The following DHX34 variants were observed in gnomAD, a reference collection of about 807,000 sequenced individuals.
The protein encoded by DHX34 is probable ATP-dependent RNA helicase DHX34.
A neutral mutation model predicts 111.1 loss-of-function variants in DHX34; 96 were observed. That is an observed-to-expected ratio of 0.86 (90% CI 0.73 to 1.02). The LOEUF (loss-of-function observed/expected upper bound fraction) is 1.02, where lower values mean the gene tolerates loss of function less well. Ranked by LOEUF, DHX34 falls within the 50% of genes least tolerant of loss-of-function variation. DHX34 has a pLI of 0.00. For missense variants in DHX34, 1,560 were observed against 1,579.9 expected (o/e 0.99, Z 0.21); for synonymous variants, 688 against 670.4 (o/e 1.03, Z -0.41).
At chr19:47,379,528 T>C (rs1970281292) in intron 13 of DHX34, 182 bp from the exon 14 acceptor site, 6 of 960,734 alleles carry the variant, frequency 6.2e-6, no homozygotes, top group Non-Finnish European at 6.2e-6. Context: ...AGCGGCTGCC[T>C]TGTTCATGCC....
chr19:47,366,367 G>A (rs1321120875), intron 6 of DHX34, among the ~76,000 whole-genome samples: 7 of 151,910 alleles, frequency 4.6e-5, no homozygotes, highest in South Asian at 2.1e-4. Flanking sequence ...TGCAACCTCC[G>A]CCTTCCAGGT....
rs142777034 is a variant in DHX34, at chr19:47,356,098, G to A, written c.1017+748G>A. Among the ~76,000 whole-genome samples the A allele has an allele frequency of 3.7e-3, 569 of 152,152 alleles. 4 individuals carry two copies. Among genetic ancestry groups the A allele is most frequent in the Middle Eastern group, 0.02 (6 of 294 alleles). ...TGTCCTGTGCATTGTAGGATATCTAGCAGCATCCCTGGCCCTACCCACTAG... is the reference window on the plus strand; with the variant it reads ...TGTCCTGTGCATTGTAGGATATCTAACAGCATCCCTGGCCCTACCCACTAG... On this transcript the variant is annotated intron_variant, in intron 3 of 16. Transcript: ENST00000328771.
chr19:47,367,172 C>T lies in DHX34; in HGVS notation c.1768+17C>T, dbSNP rs748496992. The T allele has an allele frequency of 1.5e-5, 22 of 1,460,240 alleles. No homozygotes were observed. Among genetic ancestry groups the T allele is most frequent in the East Asian group, 2.6e-5 (1 of 37,976 alleles). 90.5% of individuals were successfully genotyped at this position (1,460,240 alleles called of 1,614,324 possible). A position where few individuals can be genotyped will look rare whatever the true frequency, so the allele number is the denominator to read the frequency against. On this transcript the variant is annotated intron_variant, in intron 7 of 16. Coordinates refer to ENST00000328771, the MANE Select transcript of DHX34 (RefSeq NM_014681.6). ...TTGTGATTGGTGAGTACCCACCCCC[C>T]TCCTGATCACTCAGGGCCCCAGGAG...
chr19:47,372,841 A>T lies in DHX34; in HGVS notation c.1880A>T (p.Glu627Val). 2 of 1,612,212 alleles carry T rather than the reference A, an allele frequency of 1.2e-6. No homozygotes were observed. The highest frequency in any genetic ancestry group is 1.7e-6 in the Non-Finnish European group (2 of 1,179,336). Residue 627 changes from glutamate to valine, a missense_variant, in exon 8 of 17, where the codon GAG (glutamate) becomes GTG (valine). Physicochemically the swap from Glu to Val is moderately radical, Grantham distance 121. Coordinates refer to ENST00000328771, the MANE Select transcript of DHX34 (RefSeq NM_014681.6). ...ACCCGCAGCGCCCAGAGCAGCCCAG[A>T]GTGCGCGGCAGCACGGCGGCCGCTG... Reference protein sequence around the residue: ...PFTRSAQSSPECAAARRPLES... With the variant: ...PFTRSAQSSPVCAAARRPLES...
intron 5 of DHX34, among the ~76,000 whole-genome samples, chr19:47,360,540 G>A (rs1969597203): frequency 1.3e-5 from 2 of 152,080 alleles, no homozygotes; most frequent in African/African-American, 2.4e-5. Context: ...CACAGGTGAC[G>A]CCCTCACCTC....
At position 47,362,422 on chromosome 19, in the gene DHX34, C is replaced by G. The variant is rs1342485940; in HGVS notation, c.1376-54C>G. 3 of 1,455,238 alleles carry G rather than the reference C, an allele frequency of 2.1e-6. No individual in the cohort carries two copies. The Admixed American group carries it at 8.3e-5, about 40-fold the overall frequency. The allele number at this position is 1,455,238 out of a possible 1,614,324, so 90.1% of individuals were successfully genotyped here. A position where few individuals can be genotyped will look rare whatever the true frequency, so the allele number is the denominator to read the frequency against. On this transcript the variant is annotated intron_variant, in intron 5 of 16. Coordinates refer to ENST00000328771, the MANE Select transcript of DHX34 (RefSeq NM_014681.6). Reference sequence around the variant, plus strand: ...GAGTGACAAGAGCCAGGCGCGTGGCCAGCTGCACGTGGCTGCCACACACAG... The same window carrying G: ...GAGTGACAAGAGCCAGGCGCGTGGCGAGCTGCACGTGGCTGCCACACACAG...
chr19:47,360,656 G>C (rs961611594), intron 5 of DHX34, among the ~76,000 whole-genome samples: 1 of 151,602 alleles, frequency 6.6e-6, no homozygotes, highest in Non-Finnish European at 1.5e-5. Flanking sequence ...ATATGAGGGG[G>C]ATTGACATTC....
intron 8 of DHX34, among the ~76,000 whole-genome samples, chr19:47,373,277 C>T (rs977582419): frequency 2.0e-5 from 3 of 152,218 alleles, no homozygotes; most frequent in Non-Finnish European, 4.4e-5. Context: ...GGGGGCCCAT[C>T]AGTGCCAAAA....
At chr19:47,359,892 G>C (rs1004296357) in intron 4 of DHX34, 76 bp from the exon 5 acceptor site, 61 of 1,605,918 alleles carry the variant, frequency 3.8e-5, no homozygotes, top group Non-Finnish European at 4.9e-5. Flanking sequence ...CTGACACGGG[G>C]GTGGGCAAGA....
rs755510811 is a variant in DHX34, at chr19:47,373,642, G to A, written c.2006G>A (p.Arg669His). The A allele has an allele frequency of 3.1e-5, 50 of 1,613,972 alleles. No individual in the cohort carries two copies. In the South Asian group the frequency reaches 4.7e-4, roughly 15 times the overall value. The change falls in exon 9 of 17, where the codon CGC becomes CAC. Residue 669 changes from arginine (R) to histidine (H), a missense_variant. Coordinates refer to ENST00000328771, the MANE Select transcript of DHX34 (RefSeq NM_014681.6). ...AGAAACTCTCGCAAGTGGTGCCGCCGCCGGGGCATAGAGGAGCATCGACTG... is the reference window on the plus strand; with the variant it reads ...AGAAACTCTCGCAAGTGGTGCCGCCACCGGGGCATAGAGGAGCATCGACTG... ...RSRNSRKWCRRRGIEEHRLYE... is the reference protein window; with the variant it reads ...RSRNSRKWCRHRGIEEHRLYE...
rs139122880 is a variant in DHX34, at chr19:47,353,621, G to C, written c.591G>C (p.Gln197His). The change falls in exon 2 of 17, where the codon CAG becomes CAC. Residue 197 changes from glutamine (Q) to histidine (H), a missense_variant. Physicochemically the swap from Gln to His is conservative, Grantham distance 24. Transcript: ENST00000328771. The surrounding 1 kb of genome is among the most constrained non-coding windows in gnomAD (Gnocchi z 4.6). ...TGCGKSTQVP[Q>H]YLLAAGFSHV... ...GTGGCAAGTCCACTCAGGTGCCCCA[G>C]TACCTGCTGGCTGCTGGCTTCAGTC... 1 of 1,613,282 alleles carries C rather than the reference G, an allele frequency of 6.2e-7. No homozygotes were observed. Among genetic ancestry groups the C allele is most frequent in the African/African-American group, 1.3e-5 (1 of 75,070 alleles).
rs558674458 is a variant in DHX34 at position 47,376,968 on chromosome 19, G to A, written c.2600-132G>A. 1.1e-5 allele frequency: 17 copies of A among 1,548,170 alleles called. No individual in the cohort carries two copies. The African/African-American group carries it at 1.5e-4, about 14-fold the overall frequency. On this transcript the variant is annotated intron_variant, in intron 12 of 16. Coordinates refer to ENST00000328771, the MANE Select transcript of DHX34 (RefSeq NM_014681.6). ...AGATTTGGCTGACCTTCTTGTCTGA[G>A]CCAGGCCACCAAAGCCATGCCGTAA...
At chr19:47,357,075 GC>G (rs1177240317) in intron 3 of DHX34, among the ~76,000 whole-genome samples, 3 of 151,898 alleles carry the variant, frequency 2.0e-5, no homozygotes, top group African/African-American at 7.3e-5. Context: ...CAATCCTCCC[GC>G]CTTGGCCTCC....
At chr19:47,367,248 C>A in intron 7 of DHX34, 93 bp downstream of exon 7, 1 of 1,273,374 alleles carries the variant, frequency 7.9e-7, no homozygotes, top group South Asian at 2.1e-5. Context: ...AAGTCTGTTT[C>A]TTCCCTGGGT....
At chr19:47,371,781 G>C (rs1345503471) in intron 7 of DHX34, among the ~76,000 whole-genome samples, 3 of 152,016 alleles carry the variant, frequency 2.0e-5, no homozygotes. Context: ...TGTATTTTTA[G>C]TAGAGATGGA....
At chr19:47,365,883 G>C (rs1319778770) in intron 6 of DHX34, among the ~76,000 whole-genome samples, 1 of 152,100 alleles carries the variant, frequency 6.6e-6, no homozygotes, top group East Asian at 1.9e-4. Context: ...GATTCTTTTG[G>C]TTGTAAGTGA....
chr19:47,373,003 T>C, intron 8 of DHX34, 80 bp downstream of exon 8: 1 of 1,457,786 alleles, frequency 6.9e-7, no homozygotes, highest in Non-Finnish European at 9.1e-7. Context: ...CCTCCTCGTG[T>C]CCCACCCTCA....
intron 12 of DHX34, 44 bp from the exon 13 acceptor site, chr19:47,377,056 G>T: frequency 6.2e-7 from 1 of 1,612,304 alleles, no homozygotes; most frequent in East Asian, 2.2e-5. Flanking sequence ...TGATGGGCCT[G>T]GGTGGGCCAG....
Position 47,382,340 on chromosome 19 carries a change from C to T in DHX34, c.*227C>T. ...CAGCAGCTGCCTTGTTAGTCCTCCC[C>T]AGGGTCTAGCTTTCCTTCTTCCTGC... On this transcript the variant is annotated 3_prime_UTR_variant, in exon 17 of 17. Coordinates refer to ENST00000328771, the MANE Select transcript of DHX34 (RefSeq NM_014681.6). The T allele has an allele frequency of 1.3e-6, 1 of 745,750 alleles. No individual in the cohort carries two copies. The highest frequency in any genetic ancestry group is 3.3e-5 in the Admixed American group (1 of 30,016). 46.2% of individuals were successfully genotyped at this position (745,750 alleles called of 1,614,324 possible).
Sources: gnomAD v4.1 joint callset for allele counts (sites outside exome capture counted in the v4.1 genomes callset) on GRCh38, gnomAD v4.1.1 for gene constraint, Gnocchi (gnomAD v3.1) non-coding constraint, MANE v1.5 for transcripts, NCBI Gene and HGNC (gene_info 2026-07-23, HGNC 2026-07-21) for gene names.